GCNT2: variants seen among roughly 807,000 people sequenced by gnomAD.
The protein encoded by GCNT2 is glucosaminyl (N-acetyl) transferase 2 (I blood group).
In GCNT2, 34 loss-of-function variants were observed where a neutral mutation model predicts 34.2. That is an observed-to-expected ratio of 1.00 (90% confidence interval 0.76 to 1.32). The LOEUF (loss-of-function observed/expected upper bound fraction) is 1.32. GCNT2 is among the 40% of genes most tolerant of loss of function. GCNT2 has a pLI of 0.00. For synonymous variants in GCNT2, 212 were observed against 188.0 expected (o/e 1.13, Z -1.04); for missense variants, 584 against 489.4 (o/e 1.19, Z -1.82).
intron 3 of GCNT2, chr6:10,556,776 C>G: frequency 6.2e-7 from 1 of 1,614,042 alleles, no homozygotes; most frequent in Non-Finnish European, 8.5e-7. Flanking sequence ...ATTTACATGC[C>G]CCAAAATATC....
At chr6:10,586,592 G>T in intron 3 of GCNT2, 1 of 1,614,130 alleles carries the variant, frequency 6.2e-7, no homozygotes, top group Non-Finnish European at 8.5e-7. Flanking sequence ...AAACCAACCG[G>T]GAGATAGTTC....
intron 3 of GCNT2, among the ~76,000 whole-genome samples, chr6:10,562,666 A>AC (rs1763050477): frequency 1.3e-5 from 2 of 150,750 alleles, no homozygotes; most frequent in Admixed American, 6.6e-5. Context: ...GAAAAAAAAA[A>AC]AAAAAAAAAA....
At chr6:10,555,786 G>A (rs1043139782) in intron 3 of GCNT2, 11 of 985,278 alleles carry the variant, frequency 1.1e-5, no homozygotes, top group Non-Finnish European at 1.2e-5. Flanking sequence ...GGATGGATGA[G>A]GCTTTCTTTT....
At chr6:10,607,112 A>C (rs528150853) in intron 3 of GCNT2, among the ~76,000 whole-genome samples, 2 of 151,968 alleles carry the variant, frequency 1.3e-5, no homozygotes, top group South Asian at 4.2e-4. Flanking sequence ...ACACCCAGCT[A>C]ATTTTTTGTA....
intron 3 of GCNT2, among the ~76,000 whole-genome samples, chr6:10,577,725 G>A (rs657628): frequency 0.029 from 4,453 of 151,880 alleles, 197 homozygotes; most frequent in African/African-American, 0.098. Context: ...ATTTTTAGTA[G>A]AGACGGAGTT....
chr6:10,608,993 G>A (rs1765440842), intron 3 of GCNT2, among the ~76,000 whole-genome samples: 1 of 152,226 alleles, frequency 6.6e-6, no homozygotes, highest in African/African-American at 2.4e-5. Flanking sequence ...GTGAATTGTT[G>A]TCAAGGGACA....
intron 2 of GCNT2, among the ~76,000 whole-genome samples, chr6:10,527,976 A>G (rs913235084): frequency 1.3e-5 from 2 of 152,202 alleles, no homozygotes; most frequent in African/African-American, 2.4e-5. Context: ...TCTAAGCATC[A>G]GGGTTCTCTG....
In GCNT2 at chr6:10,557,100, G is replaced by T. The variant is rs764139154; in HGVS notation, c.925+27264G>T. The T allele has an allele frequency of 1.8e-4, 278 of 1,571,090 alleles. 1 individual carries two copies. Among genetic ancestry groups the T allele is most frequent in the Non-Finnish European group, 2.4e-4 (274 of 1,162,872 alleles). Reference sequence around the variant, plus strand: ...CTGCCCCCAGCTCATGCAATTGGACGGACTAAATATGTCCACCAAGAGCAC... The same window carrying T: ...CTGCCCCCAGCTCATGCAATTGGACTGACTAAATATGTCCACCAAGAGCAC... On this transcript the variant is annotated intron_variant, in intron 3 of 4. Transcript: ENST00000495262.
intron 3 of GCNT2, among the ~76,000 whole-genome samples, chr6:10,565,228 G>A (rs1763224328): frequency 6.6e-6 from 1 of 152,252 alleles, no homozygotes; most frequent in Admixed American, 6.5e-5. Context: ...GAACCACACA[G>A]GCCCTTGCAG....
At chr6:10,617,812 T>TGCTGCAACCTCGGCTC (rs1484231520) in intron 3 of GCNT2, among the ~76,000 whole-genome samples, 4 of 146,826 alleles carry the variant, frequency 2.7e-5, no homozygotes, top group Non-Finnish European at 3.0e-5. Context: ...TGGAGTGCAG[T>TGCTGCAACCTCGGCTC]GCTGCAACCT....
intron 3 of GCNT2, among the ~76,000 whole-genome samples, chr6:10,601,447 A>G (rs185229285): frequency 6.6e-6 from 1 of 152,256 alleles, no homozygotes; most frequent in East Asian, 1.9e-4. Context: ...CCATCAATCA[A>G]TCAGATCATA....
chr6:10,592,725 TTTTA>T (rs1311905976), intron 3 of GCNT2, among the ~76,000 whole-genome samples: 7 of 151,898 alleles, frequency 4.6e-5, no homozygotes, highest in Admixed American at 1.3e-4. Context: ...GCTCTTTTAT[TTTTA>T]TTTGTTTGTT....
intron 3 of GCNT2, among the ~76,000 whole-genome samples, chr6:10,579,842 AAAAAAAC>A (rs1464356013): frequency 4.4e-5 from 6 of 136,266 alleles, no homozygotes; most frequent in East Asian, 1.9e-4. Context: ...AAAAAAAAAA[AAAAAAAC>A]AAGTAATAAA....
intron 3 of GCNT2, chr6:10,556,769 T>C: frequency 1.2e-6 from 2 of 1,614,136 alleles, no homozygotes. Flanking sequence ...CAGGGCTATT[T>C]ACATGCCCCA....
chr6:10,596,669 C>T (rs62397983), intron 3 of GCNT2, among the ~76,000 whole-genome samples: 2,895 of 150,990 alleles, frequency 0.019, 42 homozygotes, highest in Non-Finnish European at 0.025. Context: ...CCTGTGTATC[C>T]CTCTAACCAT....
At chr6:10,574,592 G>C (rs976771228) in intron 3 of GCNT2, among the ~76,000 whole-genome samples, 3 of 152,138 alleles carry the variant, frequency 2.0e-5, no homozygotes, top group Admixed American at 1.3e-4. Flanking sequence ...AATTTAGGAT[G>C]GGGGGAGCAT....
intron 3 of GCNT2, among the ~76,000 whole-genome samples, chr6:10,611,261 C>T (rs1581480940): frequency 4.1e-5 from 1 of 24,664 alleles, no homozygotes; most frequent in South Asian, 7.9e-4. Context: ...CAATTGATCA[C>T]TTGAACTGGT....
intron 3 of GCNT2, chr6:10,585,657 G>A (rs541745876): frequency 2.0e-5 from 11 of 558,254 alleles, no homozygotes; most frequent in Admixed American, 8.4e-5. Context: ...ATTCCAGAAC[G>A]TAATTTGCAT....
intron 3 of GCNT2, among the ~76,000 whole-genome samples, chr6:10,554,754 T>G (rs1372218086): frequency 6.6e-6 from 1 of 152,194 alleles, no homozygotes; most frequent in Non-Finnish European, 1.5e-5. Context: ...ACACTAAGAA[T>G]TAGACTGAAC....
Sources: gnomAD v4.1 joint callset for allele counts (sites outside exome capture counted in the v4.1 genomes callset) on GRCh38, gnomAD v4.1.1 for gene constraint, MANE v1.5 for transcripts, NCBI Gene and HGNC (gene_info 2026-07-23, HGNC 2026-07-21) for gene names.